PCDHGB5: variants seen among roughly 807,000 people sequenced by gnomAD.
PCDHGB5 encodes the protein protocadherin gamma-B5.
PCDHGB5 carries 48 observed loss-of-function variants against 62.9 expected under a neutral mutation model. The observed-to-expected ratio is 0.76, with a 90% CI of 0.61 to 0.97. PCDHGB5 has a LOEUF of 0.97. Among genes scored for constraint, PCDHGB5 ranks in the 50% least tolerant of loss-of-function variants. The pLI is 0.00. For synonymous variants in PCDHGB5, 474 were observed against 511.2 expected, an observed-to-expected ratio of 0.93 and a Z score of 0.98; for missense variants, 1,118 against 1,198.6, an observed-to-expected ratio of 0.93 and a Z score of 0.99.
intron 2 of PCDHGB5, among the ~76,000 whole-genome samples, chr5:141,495,607 A>G (rs1484333463): frequency 1.3e-5 from 2 of 151,832 alleles, no homozygotes; most frequent in Admixed American, 1.3e-4. Flanking sequence ...TTCCGTCTTG[A>G]TTGCTGCACC....
chr5:141,419,378 G>C (rs777509820), intron 1 of PCDHGB5: 3 of 1,613,712 alleles, frequency 1.9e-6, no homozygotes, highest in Admixed American at 3.3e-5. Context: ...CTACGTGTCC[G>C]TGAGCGCGCA....
Position 141,491,170 on chromosome 5 carries a change from G to A in PCDHGB5, c.2398-3637G>A. The stretch of plus-strand genomic sequence containing the variant: ...GGAGGATGACTCTGACACCCAGCAG[G>A]TGGTGGTCCTGGTGAGGGACAATGG... On this transcript the variant is annotated intron_variant, in intron 1 of 3. Coordinates refer to ENST00000617380, the MANE Select transcript of PCDHGB5 (RefSeq NM_018925.3). The surrounding 1 kb of genome is among the most constrained non-coding windows in gnomAD (Gnocchi z 6.9). 6.2e-7 allele frequency: 1 copy of A among 1,614,176 alleles called. No individual in the cohort carries two copies. Among genetic ancestry groups the A allele is most frequent in the Non-Finnish European group, 8.5e-7 (1 of 1,179,996 alleles).
chr5:141,430,622 A>T, intron 1 of PCDHGB5: 1 of 752,270 alleles, frequency 1.3e-6, no homozygotes, highest in Admixed American at 2.9e-5. Context: ...GATAGCTAGG[A>T]ATGAACCATC....
At chr5:141,463,981 A>G (rs1441851777) in intron 1 of PCDHGB5, among the ~76,000 whole-genome samples, 1 of 152,150 alleles carries the variant, frequency 6.6e-6, no homozygotes, top group Non-Finnish European at 1.5e-5. Context: ...ACTCCATTGT[A>G]AAAACCAGGT....
chr5:141,398,931 C>T lies in PCDHGB5; in HGVS notation c.804C>T (p.Asp268=). ...CTGTGTTGCAAGTGTCAGCCACTGA[C>T]CAAGACGAGGGCATCAACTCAGAAA... ...GTTVLQVSAT[D]QDEGINSEIT... Residue 268 remains aspartate (D), a synonymous_variant, in exon 1 of 4, where the codon GAC becomes GAT. Coordinates refer to ENST00000617380, the MANE Select transcript of PCDHGB5 (RefSeq NM_018925.3). 2 of 1,613,956 alleles carry T rather than the reference C, an allele frequency of 1.2e-6. No individual in the cohort carries two copies. The highest frequency in any genetic ancestry group is 4.5e-5 in the East Asian group (2 of 44,874).
At position 141,432,688 on chromosome 5, in the gene PCDHGB5, A is replaced by G. The variant is rs143889434; in HGVS notation, c.2397+32164A>G. On this transcript the variant is annotated intron_variant, in intron 1 of 3. Coordinates refer to ENST00000617380, the MANE Select transcript of PCDHGB5 (RefSeq NM_018925.3). The surrounding 1 kb of genome is among the most constrained non-coding windows in gnomAD (Gnocchi z 6.0). ...GAGACGCGCTCAAGCAGAGCCTCGT[A>G]GTGGCCGTCCAGGACCACGGCCAGC... 2,218 of 1,613,894 alleles carry G rather than the reference A, an allele frequency of 1.4e-3. 31 individuals are homozygous for G. The African/African-American group carries it at 0.023, about 17-fold the overall frequency.
chr5:141,446,222 G>C (rs74509878), intron 1 of PCDHGB5, among the ~76,000 whole-genome samples: 7,034 of 152,204 alleles, frequency 0.046, 244 homozygotes, highest in African/African-American at 0.093. Flanking sequence ...ATATTGTTGT[G>C]TTGCCTGGCA....
intron 1 of PCDHGB5, chr5:141,410,439 G>A (rs775594110): frequency 3.1e-6 from 5 of 1,614,006 alleles, no homozygotes; most frequent in Admixed American, 3.3e-5. Context: ...TACAGTGAGG[G>A]GACTTTGCCT....
chr5:141,451,322 T>C (rs1452969719), intron 1 of PCDHGB5, among the ~76,000 whole-genome samples: 1 of 152,236 alleles, frequency 6.6e-6, no homozygotes, highest in African/African-American at 2.4e-5. Flanking sequence ...AAGTGTCACC[T>C]AAGGCTATTG....
rs549866784 is a variant in PCDHGB5, at chr5:141,437,490, A to G, written c.2397+36966A>G. ...TTTTATAGCATATTTAATCTCGTAGATCACTTTTCAATGAATTATAAGGCT... is the reference window on the plus strand; with the variant it reads ...TTTTATAGCATATTTAATCTCGTAGGTCACTTTTCAATGAATTATAAGGCT... On this transcript the variant is annotated intron_variant, in intron 1 of 3. Coordinates refer to ENST00000617380, the MANE Select transcript of PCDHGB5 (RefSeq NM_018925.3). 2.0e-5 allele frequency among the ~76,000 whole-genome samples: 3 copies of G among 152,308 alleles called. No homozygotes were observed. In the East Asian group the frequency reaches 5.8e-4, roughly 29 times the overall value.
intron 2 of PCDHGB5, among the ~76,000 whole-genome samples, chr5:141,504,722 C>T (rs747319660): frequency 1.3e-5 from 2 of 151,828 alleles, no homozygotes; most frequent in Non-Finnish European, 2.9e-5. Context: ...GGATTTTACT[C>T]TGAGGGCTTA....
chr5:141,454,503 T>A (rs988138847), intron 1 of PCDHGB5, among the ~76,000 whole-genome samples: 1 of 152,308 alleles, frequency 6.6e-6, no homozygotes, highest in Non-Finnish European at 1.5e-5. Flanking sequence ...ACCTCCTGGA[T>A]TCAGGCAGTT....
intron 1 of PCDHGB5, among the ~76,000 whole-genome samples, chr5:141,456,464 A>T (rs1430885015): frequency 6.6e-6 from 1 of 152,192 alleles, no homozygotes; most frequent in Non-Finnish European, 1.5e-5. Flanking sequence ...TCAATACAAG[A>T]CATATAAGCA....
chr5:141,460,214 G>C (rs925628892), intron 1 of PCDHGB5, among the ~76,000 whole-genome samples: 1 of 151,896 alleles, frequency 6.6e-6, no homozygotes, highest in South Asian at 2.1e-4. Flanking sequence ...CATTTTCTTA[G>C]TTGTGTCTTT....
Position 141,431,534 on chromosome 5 carries a change from A to G in PCDHGB5, c.2397+31010A>G, listed in dbSNP as rs1331176313. Reference sequence around the variant, plus strand: ...CGTTCCGGAGAATCTGGCCTTGGGCACGCAGCTGCTTGTAGTCAACGCTAC... The same window carrying G: ...CGTTCCGGAGAATCTGGCCTTGGGCGCGCAGCTGCTTGTAGTCAACGCTAC... On this transcript the variant is annotated intron_variant, in intron 1 of 3. Coordinates refer to ENST00000617380, the MANE Select transcript of PCDHGB5 (RefSeq NM_018925.3). This position sits in a 1 kb window ranked among gnomAD's most constrained non-coding sequence, Gnocchi z 4.8. The G allele has an allele frequency of 1.2e-6, 2 of 1,614,110 alleles. No individual in the cohort carries two copies. The highest frequency in any genetic ancestry group is 8.5e-7 in the Non-Finnish European group (1 of 1,180,042).
At chr5:141,425,957 C>A (rs1317696447) in intron 1 of PCDHGB5, among the ~76,000 whole-genome samples, 1 of 152,140 alleles carries the variant, frequency 6.6e-6, no homozygotes, top group Non-Finnish European at 1.5e-5. Context: ...TACATTAGTC[C>A]AACACATCAG....
chr5:141,421,750 C>A lies in PCDHGB5; in HGVS notation c.2397+21226C>A, dbSNP rs766529731. On this transcript the variant is annotated intron_variant, in intron 1 of 3. Coordinates refer to ENST00000617380, the MANE Select transcript of PCDHGB5 (RefSeq NM_018925.3). ...CTCCCTCCAGAGCTACCAGCTCAGC[C>A]CTAATAATTACTTTTCCTTGCAACT... 4.3e-6 allele frequency: 7 copies of A among 1,613,788 alleles called. No individual in the cohort carries two copies. Among genetic ancestry groups the A allele is most frequent in the Non-Finnish European group, 5.9e-6 (7 of 1,179,864 alleles).
At chr5:141,402,935 T>G in intron 1 of PCDHGB5, 1 of 1,587,712 alleles carries the variant, frequency 6.3e-7, no homozygotes, top group Non-Finnish European at 8.6e-7. Context: ...TTTGAGAAAA[T>G]TCCAAAGCGA....
chr5:141,400,965 CTCTT>C (rs2094096418), intron 1 of PCDHGB5, among the ~76,000 whole-genome samples: 1 of 151,032 alleles, frequency 6.6e-6, no homozygotes, highest in Non-Finnish European at 1.5e-5. Flanking sequence ...TAGTTTTCAT[CTCTT>C]TCTTATGTTC....
Sources: allele counts gnomAD v4.1 joint callset (sites outside exome capture counted in the v4.1 genomes callset), GRCh38; gene constraint gnomAD v4.1.1; non-coding constraint Gnocchi (gnomAD v3.1); transcripts MANE v1.5; gene names NCBI Gene and HGNC (gene_info 2026-07-23, HGNC 2026-07-21).